DPRX: variants seen among roughly 807,000 people sequenced by gnomAD.
The protein encoded by DPRX is divergent-paired related homeobox, also known as divergent paired-related homeobox.
DPRX carries 11 observed loss-of-function variants against 8.4 expected under a neutral mutation model. That is an observed-to-expected ratio of 1.31 (90% CI 0.82 to 2.17). The LOEUF is 2.17. DPRX is among the 30% of genes most tolerant of loss of function. The pLI, the probability that DPRX is intolerant of heterozygous loss-of-function variation, is 0.00. For missense variants in DPRX, 211 were observed against 236.7 expected (o/e 0.89, Z 0.71); for synonymous variants, 72 against 87.0 (o/e 0.83, Z 0.96).
At chr19:53,618,142 C>CA in the DPRX span, among the ~76,000 whole-genome samples, 21,967 of 118,990 alleles carry the variant, frequency 0.18, 1,617 homozygotes, top group Middle Eastern at 0.28. Flanking sequence ...GACTCTGTTT[C>CA]AAAAAAAAAA....
chr19:53,631,965 C>T (rs2091094357), upstream of DPRX: 1 of 1,086,076 alleles, frequency 9.2e-7, no homozygotes, highest in Non-Finnish European at 1.4e-6. Context: ...ACCGAGGGAT[C>T]ATATTGGAGG....
exon 3 of DPRX, chr19:53,636,816 C>T (rs769091377): frequency 6.2e-7 from 1 of 1,614,134 alleles, no homozygotes. Context: ...ATCCTGTACC[C>T]CAACCTCAAG....
the DPRX span, chr19:53,616,869 G>T: frequency 7.6e-6 from 12 of 1,584,842 alleles, no homozygotes; most frequent in African/African-American, 1.3e-5. Flanking sequence ...TGAAGAAGCC[G>T]CCCTGGCTGC....
At chr19:53,626,789 C>A in the DPRX span, among the ~76,000 whole-genome samples, 1 of 152,128 alleles carries the variant, frequency 6.6e-6, no homozygotes, top group Admixed American at 6.6e-5. Context: ...GCCTCCGCCT[C>A]CAGGGTTCAA....
chr19:53,616,835 C>T, the DPRX span: 139 of 1,599,922 alleles, frequency 8.7e-5, no homozygotes, highest in Admixed American at 7.7e-4. Flanking sequence ...CCGTTCTTAG[C>T]GCTTGAATGT....
chr19:53,616,209 G>A, the DPRX span, among the ~76,000 whole-genome samples: 5 of 151,750 alleles, frequency 3.3e-5, no homozygotes, highest in Admixed American at 6.6e-5. Context: ...CCGAGATTGC[G>A]CCATTGCACT....
At chr19:53,606,966 C>T in the DPRX span, 1 of 152,952 alleles carries the variant, frequency 6.5e-6, no homozygotes, top group Non-Finnish European at 1.5e-5. The surrounding 1 kb of genome is among the most constrained non-coding windows in gnomAD (Gnocchi z 4.8). Context: ...CCATCAAAAC[C>T]CACAAATGCA....
the DPRX span, chr19:53,603,213 G>A: frequency 3.9e-5 from 16 of 409,738 alleles, no homozygotes; most frequent in Admixed American, 1.3e-4. Flanking sequence ...CACTGTGCCC[G>A]GCCAAAAGTG....
the DPRX span, among the ~76,000 whole-genome samples, chr19:53,617,413 C>A: frequency 6.8e-3 from 1,027 of 151,888 alleles, 15 homozygotes; most frequent in African/African-American, 0.023. Context: ...ACAAAATTAG[C>A]CAGGCGTGGT....
the DPRX span, chr19:53,603,637 A>G: frequency 4.4e-5 from 11 of 248,118 alleles, no homozygotes; most frequent in Non-Finnish European, 8.4e-6. Flanking sequence ...GCTCCCACGT[A>G]TCTGAGGTTT....
At chr19:53,602,305 T>C in the DPRX span, 25 of 321,080 alleles carry the variant, frequency 7.8e-5, no homozygotes, top group East Asian at 1.8e-4. Flanking sequence ...TGTGTGTGTG[T>C]GTGTGTGCCA....
chr19:53,625,583 C>A, the DPRX span, among the ~76,000 whole-genome samples: 1 of 152,114 alleles, frequency 6.6e-6, no homozygotes, highest in African/African-American at 2.4e-5. Flanking sequence ...GGTGAGCACT[C>A]CCTGGAGAAC....
chr19:53,601,945 A>C, the DPRX span: 45 of 445,900 alleles, frequency 1.0e-4, no homozygotes, highest in Admixed American at 1.1e-3. Context: ...AGCTTGAGGC[A>C]TGCAGAGTCC....
At chr19:53,623,700 T>C in the DPRX span, among the ~76,000 whole-genome samples, 2 of 151,874 alleles carry the variant, frequency 1.3e-5, no homozygotes, top group Non-Finnish European at 2.9e-5. Context: ...TCCCAACACT[T>C]TGGGATTACG....
chr19:53,614,563 T>G, the DPRX span, among the ~76,000 whole-genome samples: 2 of 152,088 alleles, frequency 1.3e-5, no homozygotes, highest in South Asian at 2.1e-4. Context: ...AAAAAAAAAT[T>G]TTTAATGAAA....
At chr19:53,613,169 G>A in the DPRX span, among the ~76,000 whole-genome samples, 4 of 152,072 alleles carry the variant, frequency 2.6e-5, no homozygotes, top group Non-Finnish European at 5.9e-5. Flanking sequence ...AAGCTGCTTC[G>A]GAAGCCTTTG....
the DPRX span, chr19:53,616,875 G>A: frequency 6.4e-7 from 1 of 1,572,968 alleles, no homozygotes; most frequent in Non-Finnish European, 8.7e-7. Flanking sequence ...AGCCGCCCTG[G>A]CTGCACATGC....
At chr19:53,634,372 A>G (rs2091104460) in intron 1 of DPRX, among the ~76,000 whole-genome samples, 159 bp from the exon 2 acceptor site, 1 of 152,198 alleles carries the variant, frequency 6.6e-6, no homozygotes, top group South Asian at 2.1e-4. Flanking sequence ...TGGAGGTTGC[A>G]GTGAGCTGAG....
At chr19:53,616,748 C>CT in the DPRX span, 11 of 1,423,404 alleles carry the variant, frequency 7.7e-6, no homozygotes, top group Admixed American at 2.1e-5. Flanking sequence ...GAGCGAAACT[C>CT]TGTCTCAAAA....
Sources: gnomAD v4.1 joint callset for allele counts (sites outside exome capture counted in the v4.1 genomes callset) on GRCh38, gnomAD v4.1.1 for gene constraint, Gnocchi (gnomAD v3.1) non-coding constraint, MANE v1.5 for transcripts, NCBI Gene and HGNC (gene_info 2026-07-23, HGNC 2026-07-21) for gene names.